STAT5B: variants seen among roughly 807,000 people sequenced by gnomAD.
STAT5B encodes the protein signal transducer and activator of transcription 5B.
STAT5B carries 21 observed loss-of-function variants against 107.8 expected under a neutral mutation model. The ratio of observed to expected loss-of-function variants is 0.19; its 90% confidence interval spans 0.14 to 0.28. The LOEUF (loss-of-function observed/expected upper bound fraction) is 0.28. STAT5B is among the 10% of genes least tolerant of loss of function. The pLI is 1.00. For synonymous variants in STAT5B, 325 were observed against 401.7 expected, an observed-to-expected ratio of 0.81 and a Z score of 2.28; for missense variants, 565 against 1,008.2, an observed-to-expected ratio of 0.56 and a Z score of 5.95.
At chr17:42,229,812 A>G (rs1287420266) in intron 2 of STAT5B, among the ~76,000 whole-genome samples, 1 of 151,922 alleles carries the variant, frequency 6.6e-6, no homozygotes, top group Non-Finnish European at 1.5e-5. Flanking sequence ...CGGAGATTGC[A>G]GTGAGCCGAG....
At chr17:42,278,515 G>T (rs2144457720), upstream of STAT5B, among the ~76,000 whole-genome samples, 1 of 151,784 alleles carries the variant, frequency 6.6e-6, no homozygotes, top group South Asian at 2.1e-4. Context: ...AGGGTGTGAT[G>T]ATTTTTTTTT....
Position 42,218,712 on chromosome 17 carries a change from G to A in STAT5B, c.989+11C>T. 1 of 1,612,222 alleles carries A rather than the reference G, an allele frequency of 6.2e-7. No homozygotes were observed. On this transcript the variant is annotated intron_variant, in intron 8 of 18. Coordinates refer to ENST00000293328, the MANE Select transcript of STAT5B (RefSeq NM_012448.4). Reference sequence around the variant, plus strand: ...CCAAGCTCCTGGGCATGGCAAACAGGCAGCAGTCACCTGGTCACCAGGGCT... The same window carrying A: ...CCAAGCTCCTGGGCATGGCAAACAGACAGCAGTCACCTGGTCACCAGGGCT...
intron 1 of STAT5B, among the ~76,000 whole-genome samples, chr17:42,249,499 C>A (rs1758742732): frequency 6.6e-6 from 1 of 152,106 alleles, no homozygotes; most frequent in Non-Finnish European, 1.5e-5. Flanking sequence ...TGAACTTATT[C>A]TCAAAATAAA....
intron 1 of STAT5B, among the ~76,000 whole-genome samples, chr17:42,270,163 C>T (rs958201005): frequency 1.2e-4 from 19 of 152,218 alleles, no homozygotes; most frequent in Middle Eastern, 3.4e-3. Flanking sequence ...GAGCCAAGAT[C>T]GCGCCACTGC....
chr17:42,264,640 C>T (rs1232044544), intron 1 of STAT5B, among the ~76,000 whole-genome samples: 2 of 151,994 alleles, frequency 1.3e-5, no homozygotes, highest in South Asian at 2.1e-4. Flanking sequence ...CAAGTCTTTG[C>T]TATTGTGAAT....
chr17:42,277,203 C>T (rs551146943), upstream of STAT5B, among the ~76,000 whole-genome samples: 1 of 152,324 alleles, frequency 6.6e-6, no homozygotes, highest in South Asian at 2.1e-4. Flanking sequence ...GTCACCCACT[C>T]TCCTTTCCTC....
chr17:42,201,061 A>G lies in STAT5B; in HGVS notation c.*677T>C. ...GGCGGGCAGGAGGGGAGAGAGGACA[A>G]AGAGAGAATAAGATGAGCTAAATGT... On this transcript the variant is annotated 3_prime_UTR_variant, in exon 19 of 19. Coordinates refer to ENST00000293328, the MANE Select transcript of STAT5B (RefSeq NM_012448.4). The G allele has an allele frequency of 2.5e-6, 1 of 401,782 alleles. No homozygotes were observed. The highest frequency in any genetic ancestry group is 3.5e-5 in the East Asian group (1 of 28,298). 24.9% of individuals were successfully genotyped at this position (401,782 alleles called of 1,614,324 possible).
chr17:42,268,994 T>C (rs2080698645), intron 1 of STAT5B, among the ~76,000 whole-genome samples: 1 of 152,234 alleles, frequency 6.6e-6, no homozygotes, highest in East Asian at 1.9e-4. Context: ...TAACTTAACA[T>C]TTAGCCCAGG....
intron 5 of STAT5B, among the ~76,000 whole-genome samples, chr17:42,222,015 TG>T (rs2080231757): frequency 7.4e-6 from 1 of 134,690 alleles, no homozygotes; most frequent in East Asian, 2.2e-4. Flanking sequence ...GTGCTGTGTG[TG>T]GTGTGGTGTG....
At chr17:42,261,993 C>T (rs2080600943) in intron 1 of STAT5B, among the ~76,000 whole-genome samples, 1 of 152,146 alleles carries the variant, frequency 6.6e-6, no homozygotes, top group African/African-American at 2.4e-5. Flanking sequence ...AGTCATCTCA[C>T]CTGGCCTAAA....
rs369869085 is a variant in STAT5B, at chr17:42,202,974, A to T, written c.2078-166T>A. 7.5e-5 allele frequency: 67 copies of T among 888,556 alleles called. No homozygotes were observed. In the South Asian group the frequency reaches 9.1e-4, roughly 12 times the overall value. The allele number at this position is 888,556 out of a possible 1,614,324, so 55.0% of individuals were successfully genotyped here. On this transcript the variant is annotated intron_variant, in intron 16 of 18. Coordinates refer to ENST00000293328, the MANE Select transcript of STAT5B (RefSeq NM_012448.4). ...TTGTTTTGTTTTTTGAAACAGTCTCACTCTCTCATCCAGGCTGGAGTACGG... is the reference window on the plus strand; with the variant it reads ...TTGTTTTGTTTTTTGAAACAGTCTCTCTCTCTCATCCAGGCTGGAGTACGG...
intron 1 of STAT5B, among the ~76,000 whole-genome samples, chr17:42,259,700 T>C (rs1012686629): frequency 1.3e-5 from 2 of 151,882 alleles, no homozygotes; most frequent in Non-Finnish European, 2.9e-5. Flanking sequence ...GGCAGGAGAA[T>C]TGCTTGAACC....
intron 1 of STAT5B, among the ~76,000 whole-genome samples, chr17:42,261,128 C>T (rs1307619310): frequency 2.0e-5 from 3 of 152,024 alleles, no homozygotes; most frequent in Non-Finnish European, 4.4e-5. Context: ...AGGCTGGTCT[C>T]GACCTCCTGA....
chr17:42,211,304 TCG>T (rs2080127036), intron 13 of STAT5B, among the ~76,000 whole-genome samples: 1 of 151,930 alleles, frequency 6.6e-6, no homozygotes, highest in Admixed American at 6.6e-5. Context: ...GGTCGGGAGT[TCG>T]AGACCAGCCT....
At chr17:42,236,734 G>A (rs2080359661) in intron 1 of STAT5B, among the ~76,000 whole-genome samples, 1 of 152,176 alleles carries the variant, frequency 6.6e-6, no homozygotes, top group Admixed American at 6.5e-5. Flanking sequence ...AGCGTGCCTG[G>A]CAGTTAAGTA....
rs143171571 is a variant in STAT5B, at chr17:42,218,262, C to T, written c.1058G>A (p.Arg353His). ...GTTCAGCTTCCCGCCCACCAGCAGGCGCACAGTGGCTGCAAACTTGGTCTG... is the reference window on the plus strand; with the variant it reads ...GTTCAGCTTCCCGCCCACCAGCAGGTGCACAGTGGCTGCAAACTTGGTCTG... ...KTQTKFAATV[R>H]LLVGGKLNVH... Residue 353 changes from arginine to histidine, a missense_variant, in exon 9 of 19, where the codon CGC (arginine) becomes CAC (histidine). Physicochemically the swap from Arg to His is conservative, Grantham distance 29. This residue lies in a region of STAT5B where 48 missense variants were observed against 106.5 expected (regional missense o/e 0.45). Coordinates refer to ENST00000293328, the MANE Select transcript of STAT5B (RefSeq NM_012448.4). 129 of 1,614,112 alleles carry T rather than the reference C, an allele frequency of 8.0e-5. No individual in the cohort carries two copies. Among genetic ancestry groups the T allele is most frequent in the Admixed American group, 2.5e-4 (15 of 60,008 alleles).
intron 15 of STAT5B, 22 bp downstream of exon 15, chr17:42,210,149 A>C: frequency 1.2e-6 from 2 of 1,614,192 alleles, no homozygotes; most frequent in South Asian, 2.2e-5. Flanking sequence ...AACTTTGGAC[A>C]TAAGAAGGGA....
chr17:42,278,335 C>T (rs1370762992), upstream of STAT5B, among the ~76,000 whole-genome samples: 2 of 152,182 alleles, frequency 1.3e-5, no homozygotes, highest in African/African-American at 2.4e-5. Flanking sequence ...AGAACAGACA[C>T]TCAATAAATA....
intron 1 of STAT5B, among the ~76,000 whole-genome samples, chr17:42,239,649 T>A (rs1032867379): frequency 3.9e-5 from 6 of 152,236 alleles, no homozygotes; most frequent in Admixed American, 6.5e-5. Context: ...GCACTATTAT[T>A]ATCCCCGTTA....
Sources: allele counts gnomAD v4.1 joint callset (sites outside exome capture counted in the v4.1 genomes callset), GRCh38; gene constraint gnomAD v4.1.1; regional missense constraint gnomAD v4.1.1; transcripts MANE v1.5; gene names NCBI Gene and HGNC (gene_info 2026-07-23, HGNC 2026-07-21).